The following RANBP17 variants were observed in gnomAD, a reference collection of about 807,000 sequenced individuals.
RANBP17 encodes the protein RAN binding protein 17.
Under a neutral mutation model 141.2 loss-of-function variants are expected in RANBP17, and 158 were observed. The ratio of observed to expected loss-of-function variants is 1.12; its 90% CI spans 0.98 to 1.28. The LOEUF (loss-of-function observed/expected upper bound fraction) is 1.28, where lower values mean the gene tolerates loss of function less well. Ranked by LOEUF, RANBP17 falls within the 50% of genes most tolerant of loss-of-function variation. RANBP17 has a pLI of 0.00. For missense variants in RANBP17, 1,438 were observed against 1,290.7 expected (o/e 1.11, Z -1.75); for synonymous variants, 430 against 450.0 (o/e 0.96, Z 0.56).
chr5:171,188,931 A>G (rs530000289), intron 18 of RANBP17, among the ~76,000 whole-genome samples: 12 of 152,368 alleles, frequency 7.9e-5, no homozygotes, highest in African/African-American at 2.2e-4. Flanking sequence ...AATGTAAACT[A>G]TGAGGTATGA....
At chr5:171,204,740 T>C (rs1762476134) in intron 19 of RANBP17, among the ~76,000 whole-genome samples, 2 of 152,144 alleles carry the variant, frequency 1.3e-5, no homozygotes. Context: ...AGAGTCAAGT[T>C]TTTGTTTTTT....
intron 14 of RANBP17, among the ~76,000 whole-genome samples, chr5:171,097,354 T>C (rs1024832605): frequency 1.3e-5 from 2 of 149,726 alleles, no homozygotes; most frequent in Non-Finnish European, 3.0e-5. Context: ...GATGTTAATA[T>C]GTAATTTAAT....
At chr5:171,037,748 T>C (rs1461308620) in intron 14 of RANBP17, among the ~76,000 whole-genome samples, 1 of 152,210 alleles carries the variant, frequency 6.6e-6, no homozygotes, top group East Asian at 1.9e-4. Flanking sequence ...GCTTTACTTC[T>C]GGCTCCTCTA....
intron 13 of RANBP17, 61 bp from the exon 14 acceptor site, chr5:170,968,181 T>G: frequency 1.7e-6 from 2 of 1,198,140 alleles, no homozygotes; most frequent in Non-Finnish European, 2.3e-6. Context: ...GGTAAATGTT[T>G]TAATGTTGTT....
At position 171,019,762 on chromosome 5, in the gene RANBP17, AAGTTCTTCAATTC is replaced by A. The variant is rs1780719497; in HGVS notation, c.1710+51394_1710+51406del. Among the ~76,000 whole-genome samples, 3 of 150,666 alleles carry A rather than the reference AAGTTCTTCAATTC, an allele frequency of 2.0e-5. No individual in the cohort carries two copies. The South Asian group carries it at 6.3e-4, about 31-fold the overall frequency. On this transcript the variant is annotated intron_variant, in intron 14 of 27. Transcript: ENST00000523189. ...GGGGTTTCCATGTCTTGATCTCCTTAAGTTCTTCAATTCAGTTCTTCTCTGGTCTTAGTTATTT... is the reference window on the plus strand; with the variant it reads ...GGGGTTTCCATGTCTTGATCTCCTTAAGTTCTTCTCTGGTCTTAGTTATTT...
intron 22 of RANBP17, among the ~76,000 whole-genome samples, chr5:171,232,869 G>A (rs959568921): frequency 4.0e-5 from 6 of 151,824 alleles, no homozygotes; most frequent in Admixed American, 6.6e-5. Flanking sequence ...TTTATTAATC[G>A]CCTTTAGCTG....
At chr5:170,971,722 A>C (rs1258590239) in intron 14 of RANBP17, among the ~76,000 whole-genome samples, 2 of 152,138 alleles carry the variant, frequency 1.3e-5, no homozygotes, top group Admixed American at 6.6e-5. Flanking sequence ...CTTTTGGAGT[A>C]TCTCTCAGGT....
At chr5:171,047,811 T>C (rs1243904167) in intron 14 of RANBP17, among the ~76,000 whole-genome samples, 1 of 152,190 alleles carries the variant, frequency 6.6e-6, no homozygotes, top group Admixed American at 6.5e-5. Context: ...GATTTGCACA[T>C]TTTTTTCCTC....
intron 14 of RANBP17, among the ~76,000 whole-genome samples, chr5:171,134,766 C>G (rs547855199): frequency 2.0e-5 from 3 of 149,190 alleles, no homozygotes; most frequent in African/African-American, 7.4e-5. Context: ...ACAAAAAATA[C>G]AAAAATTGAC....
intron 12 of RANBP17, among the ~76,000 whole-genome samples, chr5:170,931,234 C>T (rs1210906586): frequency 1.3e-5 from 2 of 152,162 alleles, no homozygotes; most frequent in Non-Finnish European, 2.9e-5. Flanking sequence ...TGTTCATATC[C>T]TTTGCCCACT....
chr5:171,126,116 A>G (rs1326375574), intron 14 of RANBP17, among the ~76,000 whole-genome samples: 1 of 152,198 alleles, frequency 6.6e-6, no homozygotes, highest in Non-Finnish European at 1.5e-5. Context: ...ATTATGCCAC[A>G]TATTATATCT....
chr5:170,995,412 T>A (rs1778753995), intron 14 of RANBP17, among the ~76,000 whole-genome samples: 1 of 152,186 alleles, frequency 6.6e-6, no homozygotes, highest in Non-Finnish European at 1.5e-5. Context: ...CTACTTTTCT[T>A]TCCTGTTTTG....
chr5:171,117,328 A>AT (rs890102790), intron 14 of RANBP17, among the ~76,000 whole-genome samples: 2 of 151,658 alleles, frequency 1.3e-5, no homozygotes, highest in African/African-American at 2.4e-5. Context: ...TCCCACCAGC[A>AT]TTTTTTTTGC....
intron 12 of RANBP17, among the ~76,000 whole-genome samples, 160 bp from the exon 13 acceptor site, chr5:170,953,437 A>G (rs926348081): frequency 1.1e-4 from 17 of 152,128 alleles, no homozygotes; most frequent in Non-Finnish European, 2.4e-4. Flanking sequence ...CTGCCTTGAT[A>G]AACTTAAAAC....
intron 24 of RANBP17, among the ~76,000 whole-genome samples, chr5:171,259,840 G>A (rs1288789379): frequency 6.6e-6 from 1 of 151,738 alleles, no homozygotes; most frequent in Admixed American, 6.6e-5. Flanking sequence ...AATTAACTGG[G>A]TGTGATGGCA....
intron 14 of RANBP17, among the ~76,000 whole-genome samples, chr5:171,125,213 C>T (rs1189090810): frequency 1.4e-5 from 2 of 146,744 alleles, no homozygotes; most frequent in African/African-American, 5.0e-5. Flanking sequence ...ATGAGAATCA[C>T]TTGAACCCAG....
chr5:171,183,581 C>T, intron 18 of RANBP17, 151 bp downstream of exon 18: 1 of 610,976 alleles, frequency 1.6e-6, no homozygotes, highest in South Asian at 2.1e-5. Flanking sequence ...TGAGTGTTCA[C>T]TTGTTAGCAT....
At chr5:170,978,507 T>C (rs893457952) in intron 14 of RANBP17, among the ~76,000 whole-genome samples, 1 of 152,096 alleles carries the variant, frequency 6.6e-6, no homozygotes, top group African/African-American at 2.4e-5. Context: ...TGTAATACTA[T>C]ACAACGATTT....
At chr5:171,250,302 G>A (rs1018848735) in intron 24 of RANBP17, among the ~76,000 whole-genome samples, 1 of 152,132 alleles carries the variant, frequency 6.6e-6, no homozygotes, top group Non-Finnish European at 1.5e-5. Context: ...TTACCATCAT[G>A]AAAACACACA....
Sources: allele counts gnomAD v4.1 joint callset (sites outside exome capture counted in the v4.1 genomes callset), GRCh38; gene constraint gnomAD v4.1.1; transcripts MANE v1.5; gene names NCBI Gene and HGNC (gene_info 2026-07-23, HGNC 2026-07-21).